COL4A5: variants seen among roughly 807,000 people sequenced by gnomAD.
COL4A5 encodes collagen alpha-5(IV) chain.
In COL4A5, 26 loss-of-function variants were observed where a neutral mutation model predicts 130.2. The observed-to-expected ratio is 0.20, with a 90% confidence interval of 0.15 to 0.28. COL4A5 has a LOEUF of 0.28. COL4A5 is among the 10% of genes least tolerant of loss of function. COL4A5 has a pLI of 1.00. For synonymous variants in COL4A5, 496 were observed against 439.6 expected (o/e 1.13, Z -1.60); for missense variants, 1,131 against 1,344.3 (o/e 0.84, Z 2.48).
intron 37 of COL4A5, among the ~76,000 whole-genome samples, chrX:108,663,585 G>A (rs768533313): frequency 3.6e-5 from 4 of 110,783 alleles, no homozygotes; most frequent in Non-Finnish European, 7.6e-5. Flanking sequence ...GGAGCAGGGT[G>A]TTTGGGTCAG....
intron 1 of COL4A5, among the ~76,000 whole-genome samples, chrX:108,490,617 C>A (rs894697378): frequency 1.8e-5 from 2 of 111,642 alleles, no homozygotes; most frequent in African/African-American, 6.5e-5. Context: ...ATGTGCTATA[C>A]TTTTTAATGA....
intron 27 of COL4A5, 134 bp from the exon 28 acceptor site, chrX:108,602,830 T>A (rs2066657956): frequency 1.4e-5 from 7 of 502,967 alleles, no homozygotes; most frequent in Non-Finnish European, 2.5e-5. Flanking sequence ...TAATCCTAAG[T>A]AGTAGAATGT....
chrX:108,671,283 G>A (rs1168807503), intron 42 of COL4A5, among the ~76,000 whole-genome samples: 1 of 111,543 alleles, frequency 9.0e-6, no homozygotes, highest in African/African-American at 3.3e-5. Flanking sequence ...AATCAAAAGA[G>A]GTAATAGTAT....
At chrX:108,660,969 C>G (rs147087850) in intron 37 of COL4A5, among the ~76,000 whole-genome samples, 2 of 111,478 alleles carry the variant, frequency 1.8e-5, no homozygotes, top group East Asian at 2.8e-4. Flanking sequence ...TTTTACTGTA[C>G]CTTTTCTAGG....
chrX:108,441,541 C>T (rs1286717725), intron 1 of COL4A5, among the ~76,000 whole-genome samples: 1 of 111,809 alleles, frequency 8.9e-6, no homozygotes, highest in African/African-American at 3.3e-5. Context: ...GCTGAAAAAC[C>T]ATGCATATCA....
chrX:108,649,299 T>C (rs1569503368), intron 36 of COL4A5, among the ~76,000 whole-genome samples: 1 of 111,377 alleles, frequency 9.0e-6, no homozygotes, highest in Non-Finnish European at 1.9e-5. Flanking sequence ...CATGGATGGG[T>C]AGAATCAATA....
chrX:108,490,891 A>G (rs1359496328), intron 1 of COL4A5, among the ~76,000 whole-genome samples: 1 of 111,819 alleles, frequency 8.9e-6, no homozygotes, highest in Non-Finnish European at 1.9e-5. Flanking sequence ...TATAAGTGAG[A>G]ACATACAGTA....
rs758723974 is a variant in COL4A5, at chrX:108,502,192, T to A, written c.82-37554T>A. Among the ~76,000 whole-genome samples the A allele has an allele frequency of 2.0e-4, 23 of 112,777 alleles. No individual in the cohort carries two copies. The East Asian group carries it at 6.4e-3, about 31-fold the overall frequency. On this transcript the variant is annotated intron_variant, in intron 1 of 52. Coordinates refer to ENST00000328300, the MANE Select transcript of COL4A5 (RefSeq NM_033380.3). ...TATCCAGAGATCCAGGTGAACATTA[T>A]AGTTCTGACAGTGGGATTGGAGTTC... is the stretch of plus-strand genomic sequence containing the variant.
intron 1 of COL4A5, among the ~76,000 whole-genome samples, chrX:108,526,660 C>A (rs868178734): frequency 2.6e-5 from 1 of 38,759 alleles, no homozygotes; most frequent in Non-Finnish European, 4.2e-5. Flanking sequence ...TTCTTTCTTT[C>A]TTCTTTCTTT....
At chrX:108,575,867 T>G (rs759851225) in intron 9 of COL4A5, 43 bp from the exon 10 acceptor site, 14 of 931,395 alleles carry the variant, frequency 1.5e-5, no homozygotes, top group Non-Finnish European at 2.0e-5. Context: ...AAGGGGCTTG[T>G]TTTTCTTTTT....
chrX:108,502,526 C>G (rs1163977743), intron 1 of COL4A5, among the ~76,000 whole-genome samples: 1 of 111,349 alleles, frequency 9.0e-6, no homozygotes, highest in African/African-American at 3.3e-5. Context: ...CTCAGGTGAT[C>G]TGCCTGCCTC....
chrX:108,639,527 A>T (rs1054278593), intron 36 of COL4A5, among the ~76,000 whole-genome samples: 3 of 111,867 alleles, frequency 2.7e-5, no homozygotes, highest in Admixed American at 1.9e-4. Context: ...GAAAAAATAG[A>T]TTAATTGGAC....
At chrX:108,600,108 A>G (rs1427572503) in intron 25 of COL4A5, among the ~76,000 whole-genome samples, 1 of 112,325 alleles carries the variant, frequency 8.9e-6, no homozygotes, top group Non-Finnish European at 1.9e-5. Context: ...GCACCTTTTC[A>G]TGTGTTTATT....
At chrX:108,627,057 T>C (rs1226256147) in intron 36 of COL4A5, 1 of 672,387 alleles carries the variant, frequency 1.5e-6, no homozygotes, top group Non-Finnish European at 1.8e-6. Flanking sequence ...GTAAGGATAA[T>C]TTTTCTTTTA....
intron 1 of COL4A5, among the ~76,000 whole-genome samples, chrX:108,531,870 T>TA (rs1379754811): frequency 8.9e-6 from 1 of 111,739 alleles, no homozygotes; most frequent in Non-Finnish European, 1.9e-5. Context: ...ACATACTACT[T>TA]ACCAAGATTG....
At chrX:108,461,769 A>G (rs937457109) in intron 1 of COL4A5, among the ~76,000 whole-genome samples, 11 of 110,586 alleles carry the variant, frequency 9.9e-5, no homozygotes, top group African/African-American at 3.6e-4. Flanking sequence ...AATTTTTTGT[A>G]TCTTTAGTAG....
intron 1 of COL4A5, among the ~76,000 whole-genome samples, chrX:108,472,284 A>G (rs974942386): frequency 2.7e-5 from 3 of 111,611 alleles, no homozygotes; most frequent in African/African-American, 9.8e-5. Context: ...AGAATGTTAC[A>G]TATGCACTTG....
chrX:108,473,688 G>T (rs2064804960), intron 1 of COL4A5, among the ~76,000 whole-genome samples: 1 of 88,242 alleles, frequency 1.1e-5, no homozygotes, highest in African/African-American at 4.3e-5. Context: ...CTGGAGTGCA[G>T]TGGTGCAATC....
At chrX:108,453,766 T>C (rs1395171000) in intron 1 of COL4A5, among the ~76,000 whole-genome samples, 1 of 111,956 alleles carries the variant, frequency 8.9e-6, no homozygotes, top group East Asian at 2.8e-4. Context: ...TTCTGAATCT[T>C]ATTCTCGTCC....
Sources: allele counts gnomAD v4.1 joint callset (sites outside exome capture counted in the v4.1 genomes callset), GRCh38; gene constraint gnomAD v4.1.1; transcripts MANE v1.5; gene names NCBI Gene and HGNC (gene_info 2026-07-23, HGNC 2026-07-21).